Variants in KCNH2 observed in about 807,000 individuals in gnomAD.
The protein encoded by KCNH2 is voltage-gated inwardly rectifying potassium channel KCNH2.
A neutral mutation model predicts 95.9 loss-of-function variants in KCNH2; 35 were observed. The observed-to-expected ratio is 0.37, with a 90% CI of 0.28 to 0.48. The LOEUF (loss-of-function observed/expected upper bound fraction) is 0.48. Among genes scored for constraint, KCNH2 ranks in the 20% least tolerant of loss-of-function variants. The probability of loss-of-function intolerance (pLI) is 0.99; values close to 1 mark genes in which losing one functional copy is unlikely to be tolerated. For missense variants in KCNH2, 1,274 were observed against 1,702.9 expected (o/e 0.75, Z 4.43); for synonymous variants, 786 against 754.7 (o/e 1.04, Z -0.68).
chr7:150,958,142 C>T lies in KCNH2; in HGVS notation c.833G>A (p.Ser278Asn). The T allele has an allele frequency of 7.6e-7, 1 of 1,322,798 alleles. No homozygotes were observed. The highest frequency in any genetic ancestry group is 2.1e-5 in the South Asian group (1 of 46,990). The allele number at this position is 1,322,798 out of a possible 1,614,324, so 81.9% of individuals were successfully genotyped here. ...ARTRSRESCASVRRASSADDI... is the reference protein window; with the variant it reads ...ARTRSRESCANVRRASSADDI... ...GTCGGCCGACGAGGCGCGGCGCACG[C>T]TGGCGCAGCTTTCTCGGGAGCGCGT... Residue 278 changes from serine to asparagine, a missense_variant, in exon 4 of 15, where the codon AGC (serine) becomes AAC (asparagine). This residue lies in a region of KCNH2 where 392 missense variants were observed against 429.9 expected (regional missense o/e 0.91). Transcript: ENST00000262186.
Position 150,952,368 on chromosome 7 carries a change from C to T in KCNH2, c.1557+57G>A. On this transcript the variant is annotated intron_variant, in intron 6 of 14. Transcript: ENST00000262186. The surrounding 1 kb of genome is among the most constrained non-coding windows in gnomAD (Gnocchi z 7.3). ...GCCACCCCCTCCACCCCACTACCTC[C>T]CACCACATTCCTGGCCTCTCCTCTC... The T allele has an allele frequency of 1.9e-6, 3 of 1,546,660 alleles. No homozygotes were observed. The highest frequency in any genetic ancestry group is 2.7e-6 in the Non-Finnish European group (3 of 1,129,458).
In KCNH2 at chr7:150,945,883, G is replaced by A. The variant is rs142566596; in HGVS notation, c.3331-369C>T. On this transcript the variant is annotated intron_variant, in intron 14 of 14. Transcript: ENST00000262186. This position sits in a 1 kb window ranked among gnomAD's most constrained non-coding sequence, Gnocchi z 5.6. ...TGGGACAGAAGCTGGGACAGAAAAA[G>A]AGACAAGATTCCTTCCCGCAATCCA... Among the ~76,000 whole-genome samples the A allele has an allele frequency of 1.3e-5, 2 of 152,326 alleles. No individual in the cohort carries two copies. The highest frequency in any genetic ancestry group is 4.8e-5 in the African/African-American group (2 of 41,574).
At chr7:150,967,271 T>C (rs1314212555) in intron 2 of KCNH2, among the ~76,000 whole-genome samples, 1 of 151,928 alleles carries the variant, frequency 6.6e-6, no homozygotes, top group Non-Finnish European at 1.5e-5. Context: ...AGAGTAAGAC[T>C]CCATCTGAAA....
chr7:150,951,850 A>G lies in KCNH2; in HGVS notation c.1558-15T>C, dbSNP rs1196124732. 3 of 1,556,678 alleles carry G rather than the reference A, an allele frequency of 1.9e-6. No homozygotes were observed. The East Asian group carries it at 6.8e-5, about 35-fold the overall frequency. On this transcript the variant is annotated splice_polypyrimidine_tract_variant and intron_variant, in intron 6 of 14. Coordinates refer to ENST00000262186, the MANE Select transcript of KCNH2 (RefSeq NM_000238.4). ...AGCCCGATCAGCTGGGGGACAGGGA[A>G]GGGGCACATTCCGTTGATGGGGCAA...
intron 13 of KCNH2, 85 bp downstream of exon 13, chr7:150,947,243 G>A (rs1381798631): frequency 1.5e-5 from 19 of 1,241,920 alleles, no homozygotes; most frequent in Admixed American, 2.2e-5. Flanking sequence ...CACACAGACA[G>A]GCCCTCTCCC....
At chr7:150,948,420 C>CCCAACAA in intron 11 of KCNH2, 24 bp downstream of exon 11, 3 of 1,334,594 alleles carry the variant, frequency 2.2e-6, no homozygotes, top group Non-Finnish European at 3.2e-6. Context: ...CCGCCCTCCC[C>CCCAACAA]CTTCCTCCCC....
At chr7:150,951,981 T>G in intron 6 of KCNH2, 146 bp from the exon 7 acceptor site, 1 of 733,900 alleles carries the variant, frequency 1.4e-6, no homozygotes, top group East Asian at 2.7e-5. Context: ...AAGCCCACAC[T>G]GGGCCCAGCA....
At chr7:150,976,884 G>A (rs11978792) in intron 1 of KCNH2, among the ~76,000 whole-genome samples, 1,899 of 150,596 alleles carry the variant, frequency 0.013, 44 homozygotes, top group African/African-American at 0.044. Context: ...ACTGACCATC[G>A]GACTGACCCC....
Position 150,948,426 on chromosome 7 carries a change from T to G in KCNH2, c.2692+18A>C. 8 of 600,216 alleles carry G rather than the reference T, an allele frequency of 1.3e-5. No individual in the cohort carries two copies. Among genetic ancestry groups the G allele is most frequent in the South Asian group, 1.9e-5 (1 of 52,086 alleles). The allele number at this position is 600,216 out of a possible 1,614,324, so 37.2% of individuals were successfully genotyped here. ...ACCTTGTCCCCGCCCTCCCCCTTCC[T>G]CCCCTCCCCCGCCTCACCCTTGTCC... On this transcript the variant is annotated intron_variant, in intron 11 of 14. Coordinates refer to ENST00000262186, the MANE Select transcript of KCNH2 (RefSeq NM_000238.4).
chr7:150,972,820 A>C (rs1039832183), intron 2 of KCNH2, among the ~76,000 whole-genome samples: 1 of 152,212 alleles, frequency 6.6e-6, no homozygotes, highest in African/African-American at 2.4e-5. Context: ...ACTCCTCTGC[A>C]GAAGGGGGCC....
At chr7:150,955,452 C>T in intron 5 of KCNH2, 2 of 1,563,982 alleles carry the variant, frequency 1.3e-6, no homozygotes, top group Non-Finnish European at 1.7e-6. Context: ...CCTTTCTGGG[C>T]CCTGGGCCGC....
chr7:150,947,189 C>A, intron 13 of KCNH2, 135 bp from the exon 14 acceptor site: 11 of 1,112,600 alleles, frequency 9.9e-6, no homozygotes, highest in African/African-American at 1.6e-5. Flanking sequence ...GTGTGGCAGC[C>A]CCCAGCTGGG....
chr7:150,947,689 G>T lies in KCNH2; in HGVS notation c.2882C>A (p.Pro961His). Residue 961 changes from proline to histidine, a missense_variant, in exon 12 of 15, where the codon CCC becomes CAC. This residue lies in a region of KCNH2 where 457 missense variants were observed against 416.1 expected (regional missense o/e 1.10). Coordinates refer to ENST00000262186, the MANE Select transcript of KCNH2 (RefSeq NM_000238.4). ...ACCCGGCGGCTCTCCGGGGGGCCTG[G>T]GGCTGGAGAAGGGCACCAGGCGGAG... ...SPLRLVPFSS[P>H]RPPGEPPGGE... 6.3e-7 allele frequency: 1 copy of T among 1,599,476 alleles called. No homozygotes were observed. The highest frequency in any genetic ancestry group is 8.5e-7 in the Non-Finnish European group (1 of 1,173,934).
chr7:150,947,944 G>GA (rs1800980189), intron 11 of KCNH2, 66 bp from the exon 12 acceptor site: 3 of 1,476,298 alleles, frequency 2.0e-6, no homozygotes, highest in Admixed American at 2.4e-5. Flanking sequence ...CGAGGGTGGA[G>GA]GAGGGGACAG....
rs770708451 is a variant in KCNH2 at position 150,950,325 on chromosome 7, G to A, written c.2241C>T (p.Thr747=). 13 of 1,613,668 alleles carry A rather than the reference G, an allele frequency of 8.1e-6. No homozygotes were observed. Among genetic ancestry groups the A allele is most frequent in the Non-Finnish European group, 1.1e-5 (13 of 1,179,966 alleles). Reference sequence around the variant, plus strand: ...TGGCCAGGGCCCGAAGGCAGCCCTTGGTGGCCCCTCGGAAGGGTTTGCAGT... The same window carrying A: ...TGGCCAGGGCCCGAAGGCAGCCCTTAGTGGCCCCTCGGAAGGGTTTGCAGT... ...LQHCKPFRGA[T]KGCLRALAMK... The change falls in exon 9 of 15, where the codon ACC becomes ACT. Residue 747 remains threonine (T), a synonymous_variant. Transcript: ENST00000262186.
chr7:150,950,004 C>G, intron 9 of KCNH2, 164 bp downstream of exon 9: 2 of 1,563,676 alleles, frequency 1.3e-6, no homozygotes, highest in Non-Finnish European at 1.7e-6. Flanking sequence ...GGCTCCTCTC[C>G]ATGGCCCCGC....
Position 150,949,663 on chromosome 7 carries a change from G to A in KCNH2, c.2398+505C>T, listed in dbSNP as rs1274282699. ...CCTGAGGCACACAGGGCCGAGGGAAGGACAGGCAAAGGGGGAGGAAGTCCT... is the reference window on the plus strand; with the variant it reads ...CCTGAGGCACACAGGGCCGAGGGAAAGACAGGCAAAGGGGGAGGAAGTCCT... On this transcript the variant is annotated intron_variant, in intron 9 of 14. Coordinates refer to ENST00000262186, the MANE Select transcript of KCNH2 (RefSeq NM_000238.4). The A allele has an allele frequency of 1.5e-4, 170 of 1,130,858 alleles. 3 individuals are homozygous for A. The highest frequency in any genetic ancestry group is 1.6e-5 in the African/African-American group (1 of 61,738). 70.1% of individuals were successfully genotyped at this position (1,130,858 alleles called of 1,614,324 possible). A position where few individuals can be genotyped will look rare whatever the true frequency, so the allele number is the denominator to read the frequency against.
chr7:150,951,228 C>T lies in KCNH2; in HGVS notation c.1946-108G>A. ...GTCAGTGTCTCAGTCTCAGCGTCGA[C>T]ATGCCCACGAGACGCCCTTGTACAT... On this transcript the variant is annotated intron_variant, in intron 7 of 14. Transcript: ENST00000262186. 4 of 1,082,706 alleles carry T rather than the reference C, an allele frequency of 3.7e-6. 1 individual carries two copies. The South Asian group carries it at 5.7e-5, about 16-fold the overall frequency. 67.1% of individuals were successfully genotyped at this position (1,082,706 alleles called of 1,614,324 possible).
At chr7:150,970,827 C>A (rs1487041917) in intron 2 of KCNH2, among the ~76,000 whole-genome samples, 2 of 152,130 alleles carry the variant, frequency 1.3e-5, no homozygotes, top group Non-Finnish European at 2.9e-5. Flanking sequence ...AGGAAAAGTT[C>A]TCCTGTGTCT....
Sources: allele counts gnomAD v4.1 joint callset (sites outside exome capture counted in the v4.1 genomes callset), GRCh38; gene constraint gnomAD v4.1.1; regional missense constraint gnomAD v4.1.1; non-coding constraint Gnocchi (gnomAD v3.1); transcripts MANE v1.5; gene names NCBI Gene and HGNC (gene_info 2026-07-23, HGNC 2026-07-21).